The following PRPH2 variants were observed in gnomAD, a reference collection of about 807,000 sequenced individuals.
PRPH2 encodes the protein peripherin 2.
A neutral mutation model predicts 31.3 loss-of-function variants in PRPH2; 17 were observed. The observed-to-expected ratio is 0.54, with a 90% CI of 0.37 to 0.81. The LOEUF (loss-of-function observed/expected upper bound fraction) is 0.81, where lower values mean the gene tolerates loss of function less well. Ranked by LOEUF, PRPH2 falls within the 40% of genes least tolerant of loss-of-function variation. The pLI is 0.00. For synonymous variants in PRPH2, 165 were observed against 184.4 expected (o/e 0.89, Z 0.85); for missense variants, 430 against 439.7 (o/e 0.98, Z 0.20).
chr6:42,715,157 C>T (rs1471944936), intron 1 of PRPH2, among the ~76,000 whole-genome samples: 2 of 151,698 alleles, frequency 1.3e-5, no homozygotes, highest in East Asian at 3.9e-4. Context: ...TGCAGTGAGT[C>T]GAGATCGTGC....
In PRPH2 at chr6:42,721,759, G is replaced by A. The variant is rs1179674834; in HGVS notation, c.576C>T (p.Val192=). 2 of 1,614,120 alleles carry A rather than the reference G, an allele frequency of 1.2e-6. No individual in the cohort carries two copies. Among genetic ancestry groups the A allele is most frequent in the African/African-American group, 2.7e-5 (2 of 75,038 alleles). Residue 192 remains valine, a synonymous_variant, in exon 1 of 3, where the codon GTC becomes GTT. Coordinates refer to ENST00000230381, the MANE Select transcript of PRPH2 (RefSeq NM_000322.5). ...CAGGACTGGAAGCCACTCACTCTTT[G>A]ACTTCTTTGGAGGAAAAGTCCAGGT... The part of the protein sequence containing the change: ...NRYLDFSSKE[V]KDRIKSNVDG...
chr6:42,706,180 T>C (rs948092855), intron 1 of PRPH2, among the ~76,000 whole-genome samples: 6 of 148,686 alleles, frequency 4.0e-5, no homozygotes, highest in Non-Finnish European at 9.0e-5. Flanking sequence ...CTGAGGCGGG[T>C]GGATCACGAG....
chr6:42,720,417 A>T (rs1473201588), intron 1 of PRPH2, among the ~76,000 whole-genome samples: 2 of 151,828 alleles, frequency 1.3e-5, no homozygotes, highest in South Asian at 2.1e-4. Context: ...TCCTCGGGAG[A>T]TTTATGTAAA....
chr6:42,701,682 A>ATTTTTTTTTTTTTTTTT lies in PRPH2; in HGVS notation c.828+2666_828+2682dup, dbSNP rs70990127. Among the ~76,000 whole-genome samples, 24 of 78,522 alleles carry ATTTTTTTTTTTTTTTTT rather than the reference A, an allele frequency of 3.1e-4. 6 individuals carry two copies. The highest frequency in any genetic ancestry group is 5.1e-4 in the Admixed American group (3 of 5,848). 51.5% of individuals were successfully genotyped at this position (78,522 alleles called of 152,430 possible). ...TAGGCATGCGCCACCACGTCCAGCA[A>ATTTTTTTTTTTTTTTTT]TTTTTTTTTTTTTTTTTTTTTTTTT... On this transcript the variant is annotated intron_variant, in intron 2 of 2. Transcript: ENST00000230381.
rs747689734 is a variant in PRPH2 at position 42,704,530 on chromosome 6, G to A, written c.663C>T (p.Pro221=). The change falls in exon 2 of 3, where the codon CCC becomes CCT. Residue 221 remains proline (P), a synonymous_variant. Coordinates refer to ENST00000230381, the MANE Select transcript of PRPH2 (RefSeq NM_000322.5). ...FSCCNPSSPR[P]CIQYQITNNS... ...TGTTGGTGATCTGATACTGGATGCA[G>A]GGCCGTGGCGAGCTAGGATTGCAGC... 4 of 1,614,078 alleles carry A rather than the reference G, an allele frequency of 2.5e-6. No individual in the cohort carries two copies. Among genetic ancestry groups the A allele is most frequent in the East Asian group, 2.2e-5 (1 of 44,886 alleles).
At chr6:42,719,779 G>A (rs1433577202) in intron 1 of PRPH2, among the ~76,000 whole-genome samples, 3 of 151,638 alleles carry the variant, frequency 2.0e-5, no homozygotes, top group East Asian at 3.9e-4. Flanking sequence ...GTGTTGGTCA[G>A]GCTGGTCTCG....
At chr6:42,707,227 T>C (rs1800185777) in intron 1 of PRPH2, among the ~76,000 whole-genome samples, 1 of 152,032 alleles carries the variant, frequency 6.6e-6, no homozygotes. Flanking sequence ...GTCTGTGGAG[T>C]GTCCTGGATT....
chr6:42,710,489 T>C (rs528965777), intron 1 of PRPH2, among the ~76,000 whole-genome samples: 136 of 152,300 alleles, frequency 8.9e-4, no homozygotes, highest in African/African-American at 3.2e-3. Flanking sequence ...GTTTACTCAG[T>C]GCTTGCCCTC....
At chr6:42,716,598 GT>G (rs1205330947) in intron 1 of PRPH2, among the ~76,000 whole-genome samples, 10 of 135,722 alleles carry the variant, frequency 7.4e-5, no homozygotes, top group African/African-American at 2.5e-4. Flanking sequence ...TTTTTGTTTG[GT>G]TTGGTTTGGT....
chr6:42,720,115 T>G (rs1761871854), intron 1 of PRPH2, among the ~76,000 whole-genome samples: 1 of 152,104 alleles, frequency 6.6e-6, no homozygotes, highest in South Asian at 2.1e-4. Context: ...TATGGGACAT[T>G]GAAGGAGTTT....
chr6:42,711,710 C>T (rs1761647489), intron 1 of PRPH2: 1 of 962,916 alleles, frequency 1.0e-6, no homozygotes, highest in Non-Finnish European at 1.2e-6. Context: ...AAGTTCTAAT[C>T]TTCTCCTTGA....
At chr6:42,719,844 C>T (rs1421279937) in intron 1 of PRPH2, among the ~76,000 whole-genome samples, 1 of 152,142 alleles carries the variant, frequency 6.6e-6, no homozygotes, top group Non-Finnish European at 1.5e-5. Context: ...GCTGGGATTA[C>T]AGGTGTGAGC....
chr6:42,701,325 T>C (rs1004797844), intron 2 of PRPH2, among the ~76,000 whole-genome samples: 20 of 152,110 alleles, frequency 1.3e-4, no homozygotes, highest in African/African-American at 4.6e-4. Flanking sequence ...GGTTTCTCCA[T>C]GTTGGTCAGG....
rs886061407 is a variant in PRPH2, at chr6:42,722,500, C to T, written c.-166G>A. ...GTCGAGTCCCACTAGCCTGGGATCC[C>T]CGTGAATGCAGTAGTGGTGGCAGGG... On this transcript the variant is annotated 5_prime_UTR_variant, in exon 1 of 3. Coordinates refer to ENST00000230381, the MANE Select transcript of PRPH2 (RefSeq NM_000322.5). This position sits in a 1 kb window ranked among gnomAD's most constrained non-coding sequence, Gnocchi z 4.4. 1.0e-4 allele frequency: 153 copies of T among 1,498,464 alleles called. No individual in the cohort carries two copies. The Middle Eastern group carries it at 4.1e-3, about 40-fold the overall frequency. 92.8% of individuals were successfully genotyped at this position (1,498,464 alleles called of 1,614,324 possible).
At chr6:42,718,845 T>G (rs2152009876) in intron 1 of PRPH2, among the ~76,000 whole-genome samples, 1 of 152,100 alleles carries the variant, frequency 6.6e-6, no homozygotes, top group Non-Finnish European at 1.5e-5. Context: ...GGCTTTTTTT[T>G]TAAGAGTCAG....
intron 1 of PRPH2, among the ~76,000 whole-genome samples, chr6:42,719,167 CTT>C (rs10594241): frequency 0.59 from 84,719 of 144,782 alleles, 24,455 homozygotes; most frequent in African/African-American, 0.65. Flanking sequence ...AGTGGACTTC[CTT>C]TTTTTTTTTT....
rs70990126 is a variant in PRPH2, at chr6:42,699,962, C to CTT, written c.829-1457_829-1456dup. On this transcript the variant is annotated intron_variant, in intron 2 of 2. Coordinates refer to ENST00000230381, the MANE Select transcript of PRPH2 (RefSeq NM_000322.5). ...GCTGATAATTAGCTTATTGTTTTCACTTTTTTTTTTTTTTGAGATGGAGTC... is the reference window on the plus strand; with the variant it reads ...GCTGATAATTAGCTTATTGTTTTCACTTTTTTTTTTTTTTTTGAGATGGAGTC... Among the ~76,000 whole-genome samples the CTT allele has an allele frequency of 2.7e-3, 374 of 137,852 alleles. 29 individuals are homozygous for CTT. Among genetic ancestry groups the CTT allele is most frequent in the Admixed American group, 0.015 (213 of 13,758 alleles). 90.4% of individuals were successfully genotyped at this position (137,852 alleles called of 152,430 possible). A position where few individuals can be genotyped will look rare whatever the true frequency, so the allele number is the denominator to read the frequency against.
In PRPH2 at chr6:42,712,726, CT is replaced by C. The variant is rs202058611; in HGVS notation, c.582-8116del. On this transcript the variant is annotated intron_variant, in intron 1 of 2. Transcript: ENST00000230381. Reference sequence around the variant, plus strand: ...GCCACTGTGCCCAGCCTGTTTTTTCCTTTTTTTTTTAGAGACCTTGTGCTCA... The same window carrying C: ...GCCACTGTGCCCAGCCTGTTTTTTCCTTTTTTTTTAGAGACCTTGTGCTCA... 7.0e-3 allele frequency among the ~76,000 whole-genome samples: 1,024 copies of C among 146,180 alleles called. 7 individuals carry two copies. Among genetic ancestry groups the C allele is most frequent in the African/African-American group, 0.024 (957 of 40,170 alleles).
At chr6:42,707,972 T>G (rs1800198111) in intron 1 of PRPH2, among the ~76,000 whole-genome samples, 1 of 152,174 alleles carries the variant, frequency 6.6e-6, no homozygotes, top group African/African-American at 2.4e-5. Context: ...TCTGCTTCCT[T>G]ATATTTGAAA....
Sources: allele counts gnomAD v4.1 joint callset (sites outside exome capture counted in the v4.1 genomes callset), GRCh38; gene constraint gnomAD v4.1.1; non-coding constraint Gnocchi (gnomAD v3.1); transcripts MANE v1.5; gene names NCBI Gene and HGNC (gene_info 2026-07-23, HGNC 2026-07-21).